The following NUAK1 variants were observed in gnomAD, a reference collection of about 807,000 sequenced individuals.
NUAK1 encodes NUAK family SNF1-like kinase 1.
In NUAK1, 26 loss-of-function variants were observed where a neutral mutation model predicts 56.9. The observed-to-expected ratio is 0.46, with a 90% CI of 0.33 to 0.63. The LOEUF is 0.63. NUAK1 is among the 30% of genes least tolerant of loss of function. The pLI is 0.02. For synonymous variants in NUAK1, 337 were observed against 336.0 expected, an observed-to-expected ratio of 1.00 and a Z score of -0.03; for missense variants, 727 against 876.1, an observed-to-expected ratio of 0.83 and a Z score of 2.15.
At chr12:106,092,016 C>A (rs75243443) in intron 2 of NUAK1, among the ~76,000 whole-genome samples, 1 of 151,530 alleles carries the variant, frequency 6.6e-6, no homozygotes, top group South Asian at 2.1e-4. Context: ...GTCAACATAG[C>A]GAGACCTCAT....
chr12:106,084,539 A>C (rs1287714701), intron 3 of NUAK1, among the ~76,000 whole-genome samples: 2 of 152,218 alleles, frequency 1.3e-5, no homozygotes, highest in Non-Finnish European at 2.9e-5. Flanking sequence ...ATGAGAGCAG[A>C]CCAATGAGAC....
At chr12:106,124,943 G>A (rs2033011424) in intron 1 of NUAK1, among the ~76,000 whole-genome samples, 1 of 151,866 alleles carries the variant, frequency 6.6e-6, no homozygotes, top group African/African-American at 2.4e-5. Context: ...GTTGCAATGA[G>A]CCGAGATCAC....
At chr12:106,111,840 A>G (rs12301574) in intron 1 of NUAK1, among the ~76,000 whole-genome samples, 1,574 of 149,346 alleles carry the variant, frequency 0.011, 32 homozygotes, top group African/African-American at 0.036. Context: ...CTACAATCCT[A>G]TTTTACAGAT....
At chr12:106,119,227 A>G (rs1490328318) in intron 1 of NUAK1, among the ~76,000 whole-genome samples, 1 of 152,216 alleles carries the variant, frequency 6.6e-6, no homozygotes, top group Non-Finnish European at 1.5e-5. Context: ...CTTAACCTGT[A>G]GTGTAAAACA....
intron 1 of NUAK1, among the ~76,000 whole-genome samples, chr12:106,137,087 A>G (rs2033137022): frequency 6.6e-6 from 1 of 152,194 alleles, no homozygotes; most frequent in Admixed American, 6.5e-5. Context: ...ACGTTATGGG[A>G]CGAAGTTATA....
At chr12:106,106,671 T>C in intron 1 of NUAK1, 146 bp from the exon 2 acceptor site, 1 of 724,682 alleles carries the variant, frequency 1.4e-6, no homozygotes, top group East Asian at 2.8e-5. Context: ...CCCCTTGTCA[T>C]GTCTTTCATA....
chr12:106,135,560 T>A (rs191787906), intron 1 of NUAK1, among the ~76,000 whole-genome samples: 87 of 152,356 alleles, frequency 5.7e-4, no homozygotes, highest in African/African-American at 1.9e-3. Flanking sequence ...TCAACAGGGA[T>A]GTTGATTTCA....
intron 1 of NUAK1, among the ~76,000 whole-genome samples, chr12:106,131,011 C>G (rs1423185281): frequency 6.6e-6 from 1 of 152,120 alleles, no homozygotes; most frequent in Admixed American, 6.5e-5. Flanking sequence ...GGCAGCCTGG[C>G]CCTGGGGCTC....
chr12:106,103,005 T>C (rs1247643030), intron 2 of NUAK1, among the ~76,000 whole-genome samples: 1 of 152,258 alleles, frequency 6.6e-6, no homozygotes, highest in African/African-American at 2.4e-5. Flanking sequence ...AGCAAGAGCC[T>C]TGAGGGCTTC....
At chr12:106,096,154 G>C (rs2032694738) in intron 2 of NUAK1, among the ~76,000 whole-genome samples, 1 of 151,900 alleles carries the variant, frequency 6.6e-6, no homozygotes, top group Non-Finnish European at 1.5e-5. Flanking sequence ...GGGCAATAGA[G>C]TCTTTTTTTT....
chr12:106,125,257 G>A (rs978361816), intron 1 of NUAK1, among the ~76,000 whole-genome samples: 5 of 152,176 alleles, frequency 3.3e-5, no homozygotes, highest in Non-Finnish European at 7.3e-5. Context: ...TGTGTGCCAG[G>A]CACTGAACTA....
At chr12:106,086,682 A>C (rs1370755595) in intron 3 of NUAK1, 52 bp downstream of exon 3, 1 of 1,558,090 alleles carries the variant, frequency 6.4e-7, no homozygotes, top group Non-Finnish European at 8.7e-7. Context: ...AAAATCATGC[A>C]GTGCCATAAA....
intron 2 of NUAK1, among the ~76,000 whole-genome samples, chr12:106,096,156 C>A (rs2032694798): frequency 6.7e-6 from 1 of 149,198 alleles, no homozygotes; most frequent in Admixed American, 6.7e-5. Context: ...GCAATAGAGT[C>A]TTTTTTTTTT....
In NUAK1 at chr12:106,135,117, T is replaced by G. The variant is rs527817278; in HGVS notation, c.240+3297A>C. Reference sequence around the variant, plus strand: ...TCACAAGTCTATGAAGTTGGTACTCTTAGTAGCTCATTTTACCGATGAAGA... The same window carrying G: ...TCACAAGTCTATGAAGTTGGTACTCGTAGTAGCTCATTTTACCGATGAAGA... On this transcript the variant is annotated intron_variant, in intron 1 of 6. Transcript: ENST00000261402. Among the ~76,000 whole-genome samples the G allele has an allele frequency of 1.8e-3, 280 of 152,340 alleles. 3 individuals are homozygous for G. The highest frequency in any genetic ancestry group is 6.3e-3 in the African/African-American group (263 of 41,578).
At chr12:106,086,111 T>A (rs1433151348) in intron 3 of NUAK1, among the ~76,000 whole-genome samples, 1 of 151,350 alleles carries the variant, frequency 6.6e-6, no homozygotes, top group Non-Finnish European at 1.5e-5. Context: ...TTCTGGAATC[T>A]CTCTTAAGTA....
chr12:106,128,402 A>AT (rs1433509568), intron 1 of NUAK1, among the ~76,000 whole-genome samples: 1 of 151,962 alleles, frequency 6.6e-6, no homozygotes. Flanking sequence ...AAGTGCTGGG[A>AT]TTTACAGGAA....
Position 106,072,741 on chromosome 12 carries a change from G to A in NUAK1, c.682C>T (p.Pro228Ser). The A allele has an allele frequency of 3.1e-6, 5 of 1,613,692 alleles. No individual in the cohort carries two copies. The highest frequency in any genetic ancestry group is 4.2e-6 in the Non-Finnish European group (5 of 1,179,852). ...YASPEIVNGRPYRGPEVDSWA... is the reference protein window; with the variant it reads ...YASPEIVNGRSYRGPEVDSWA... ...CTGCTCACCTCTGGCCCTCGGTAAG[G>A]TCTCCCATTGACAATCTCAGGAGAT... The change falls in exon 5 of 7, where the codon CCT (proline) becomes TCT (serine). Residue 228 changes from proline to serine, a missense_variant. Transcript: ENST00000261402.
intron 3 of NUAK1, among the ~76,000 whole-genome samples, chr12:106,085,086 T>A (rs1360772990): frequency 6.6e-6 from 1 of 152,208 alleles, no homozygotes; most frequent in Non-Finnish European, 1.5e-5. Context: ...AAACCGAGTC[T>A]GTTAGAAGAA....
rs1242053915 is a variant in NUAK1 at position 106,138,301 on chromosome 12, C to T, written c.240+113G>A. 2.2e-5 allele frequency: 30 copies of T among 1,384,020 alleles called. No homozygotes were observed. Among genetic ancestry groups the T allele is most frequent in the South Asian group, 1.3e-4 (9 of 67,440 alleles). 85.7% of individuals were successfully genotyped at this position (1,384,020 alleles called of 1,614,324 possible). On this transcript the variant is annotated intron_variant, in intron 1 of 6. Coordinates refer to ENST00000261402, the MANE Select transcript of NUAK1 (RefSeq NM_014840.3). The surrounding 1 kb of genome is among the most constrained non-coding windows in gnomAD (Gnocchi z 5.0). ...GTCTGTCTCGGGGCTTCCCAATGAG[C>T]CCCCTCTCTGTCAAGAGAGCCCCAG... is the stretch of plus-strand genomic sequence containing the variant.
Sources: allele counts gnomAD v4.1 joint callset (sites outside exome capture counted in the v4.1 genomes callset), GRCh38; gene constraint gnomAD v4.1.1; non-coding constraint Gnocchi (gnomAD v3.1); transcripts MANE v1.5; gene names NCBI Gene and HGNC (gene_info 2026-07-23, HGNC 2026-07-21).